Variants in ZDHHC11 observed in about 807,000 individuals in gnomAD.
The protein encoded by ZDHHC11 is palmitoyltransferase ZDHHC11.
A neutral mutation model predicts 51.3 loss-of-function variants in ZDHHC11; 44 were observed. That is an observed-to-expected ratio of 0.86 (90% CI 0.67 to 1.10). The LOEUF is 1.10. Ranked by LOEUF, ZDHHC11 falls within the 50% of genes least tolerant of loss-of-function variation. The probability of loss-of-function intolerance (pLI) is 0.00; values close to 1 mark genes in which losing one functional copy is unlikely to be tolerated. For missense variants in ZDHHC11, 400 were observed against 537.7 expected (o/e 0.74, Z 2.53); for synonymous variants, 163 against 222.0 (o/e 0.73, Z 2.36).
intron 4 of ZDHHC11, chr5:842,271 A>T (rs989275597): frequency 1.6e-5 from 16 of 987,016 alleles, no homozygotes; most frequent in Non-Finnish European, 1.9e-5. Context: ...GACAACATGG[A>T]GGCTGCTGGG....
At chr5:833,611 T>A (rs1579689082) in intron 7 of ZDHHC11, among the ~76,000 whole-genome samples, 162 bp downstream of exon 7, 1 of 150,726 alleles carries the variant, frequency 6.6e-6, no homozygotes, top group East Asian at 1.9e-4. Flanking sequence ...TTTGGTATAA[T>A]TTAACAACAT....
Position 814,798 on chromosome 5 carries a change from G to T in ZDHHC11, c.1147-3C>A. The T allele has an allele frequency of 6.5e-7, 1 of 1,535,824 alleles. No individual in the cohort carries two copies. Among genetic ancestry groups the T allele is most frequent in the East Asian group, 2.4e-5 (1 of 41,782 alleles). On this transcript the variant is annotated splice_region_variant and splice_polypyrimidine_tract_variant and intron_variant, in intron 10 of 12. Coordinates refer to ENST00000283441, the MANE Select transcript of ZDHHC11 (RefSeq NM_024786.3). ...ATACTCGGGGCATCATCTGCTTCCTGTGGGGGGAAGGGATGCAAAATTCAT... is the reference window on the plus strand; with the variant it reads ...ATACTCGGGGCATCATCTGCTTCCTTTGGGGGGAAGGGATGCAAAATTCAT...
At chr5:824,430 CA>C (rs1742007765) in intron 8 of ZDHHC11, among the ~76,000 whole-genome samples, 1 of 151,446 alleles carries the variant, frequency 6.6e-6, no homozygotes, top group Non-Finnish European at 1.5e-5. Flanking sequence ...CACTGCAATC[CA>C]TGTTGGGTGA....
At chr5:808,664 G>C (rs1739633627) in intron 11 of ZDHHC11, among the ~76,000 whole-genome samples, 1 of 148,176 alleles carries the variant, frequency 6.7e-6, no homozygotes, top group Non-Finnish European at 1.5e-5. Context: ...GCCTCCCGAG[G>C]AATGGGATTA....
intron 11 of ZDHHC11, among the ~76,000 whole-genome samples, chr5:812,232 T>C (rs1740182602): frequency 6.7e-6 from 1 of 150,306 alleles, no homozygotes; most frequent in African/African-American, 2.5e-5. Context: ...GACAGGTACA[T>C]TTGACAACTG....
chr5:846,248 G>C (rs1316124092), intron 3 of ZDHHC11, among the ~76,000 whole-genome samples: 1 of 151,162 alleles, frequency 6.6e-6, no homozygotes, highest in Non-Finnish European at 1.5e-5. Context: ...CAGGGAGGCA[G>C]GGCAGGGACC....
At chr5:856,196 ACACAC>A (rs1468365685) in intron 1 of ZDHHC11, among the ~76,000 whole-genome samples, 1 of 151,816 alleles carries the variant, frequency 6.6e-6, no homozygotes, top group African/African-American at 2.4e-5. Flanking sequence ...CACACACACC[ACACAC>A]CACACAACAC....
intron 11 of ZDHHC11, among the ~76,000 whole-genome samples, chr5:812,758 A>G (rs2150313903): frequency 6.6e-6 from 1 of 151,596 alleles, no homozygotes; most frequent in Admixed American, 6.6e-5. Flanking sequence ...TTTGTTTGCA[A>G]AACCTAAACT....
rs143771442 is a variant in ZDHHC11 at position 843,581 on chromosome 5, G to T, written c.628+19C>A. On this transcript the variant is annotated intron_variant, in intron 4 of 12. Coordinates refer to ENST00000283441, the MANE Select transcript of ZDHHC11 (RefSeq NM_024786.3). ...GCTGGAGGCGAGGATGAGGCCCCTTGAGAGCGGCGGCCACGTACCTTCATA... is the reference window on the plus strand; with the variant it reads ...GCTGGAGGCGAGGATGAGGCCCCTTTAGAGCGGCGGCCACGTACCTTCATA... 0.064 allele frequency: 90,896 copies of T among 1,425,666 alleles called. 85 individuals carry two copies. Among genetic ancestry groups the T allele is most frequent in the African/African-American group, 0.34 (19,544 of 57,380 alleles). 88.3% of individuals were successfully genotyped at this position (1,425,666 alleles called of 1,614,324 possible). A position where few individuals can be genotyped will look rare whatever the true frequency, so the allele number is the denominator to read the frequency against.
At chr5:850,327 C>G in intron 1 of ZDHHC11, 54 bp downstream of exon 1, 2 of 1,577,046 alleles carry the variant, frequency 1.3e-6, no homozygotes, top group Non-Finnish European at 1.7e-6. Flanking sequence ...AGGTCCATCG[C>G]AAGTTCCTCC....
chr5:825,788 G>A (rs1228201986), intron 7 of ZDHHC11, among the ~76,000 whole-genome samples: 1 of 152,274 alleles, frequency 6.6e-6, no homozygotes, highest in African/African-American at 2.4e-5. Flanking sequence ...AGGCCAGTCA[G>A]CTCAGGACAT....
chr5:841,958 A>G, intron 4 of ZDHHC11: 1 of 989,714 alleles, frequency 1.0e-6, no homozygotes, highest in Non-Finnish European at 1.2e-6. Flanking sequence ...ACAGGACCGC[A>G]GCTCCATGTG....
At chr5:857,929 C>A (rs377762848) in intron 1 of ZDHHC11, among the ~76,000 whole-genome samples, 23 of 140,088 alleles carry the variant, frequency 1.6e-4, no homozygotes, top group South Asian at 7.2e-4. Flanking sequence ...GGTCCCTGTC[C>A]TGTCTTTATG....
intron 11 of ZDHHC11, among the ~76,000 whole-genome samples, chr5:813,134 C>A (rs1304285500): frequency 6.9e-6 from 1 of 144,346 alleles, no homozygotes; most frequent in African/African-American, 2.7e-5. Context: ...CTCAGGAGTT[C>A]GAGACCAGTG....
chr5:806,989 G>T (rs141374061), intron 11 of ZDHHC11, among the ~76,000 whole-genome samples: 3,663 of 149,926 alleles, frequency 0.024, 147 homozygotes, highest in Non-Finnish European at 0.038. Flanking sequence ...GAATAGCCCC[G>T]GGAGAAATGG....
chr5:839,995 T>G, intron 5 of ZDHHC11: 1 of 554,766 alleles, frequency 1.8e-6, no homozygotes, highest in Non-Finnish European at 3.2e-6. Context: ...TTCAGCAACA[T>G]GACTGACCGC....
rs189117862 is a variant in ZDHHC11, at chr5:817,726, G to A, written c.1146+1799C>T. 2.8e-3 allele frequency among the ~76,000 whole-genome samples: 418 copies of A among 151,456 alleles called. 19 individuals are homozygous for A. Among genetic ancestry groups the A allele is most frequent in the Non-Finnish European group, 4.4e-3 (299 of 67,654 alleles). On this transcript the variant is annotated intron_variant, in intron 10 of 12. Coordinates refer to ENST00000283441, the MANE Select transcript of ZDHHC11 (RefSeq NM_024786.3). The stretch of plus-strand genomic sequence containing the variant: ...GTGTTTGGCATGTGGTTATGCAGCT[G>A]CTGCAGCACACTCATTACACACCCT...
chr5:807,345 CA>C (rs1337066258), intron 11 of ZDHHC11, among the ~76,000 whole-genome samples: 1 of 150,804 alleles, frequency 6.6e-6, no homozygotes, highest in African/African-American at 2.4e-5. Context: ...ATCTAAGGAA[CA>C]AAATTTGAAG....
chr5:801,233 T>G, intron 11 of ZDHHC11, 69 bp from the exon 12 acceptor site: 1 of 1,586,070 alleles, frequency 6.3e-7, no homozygotes, highest in Non-Finnish European at 8.6e-7. Flanking sequence ...AATGCCAAAG[T>G]GCACAAAATG....
Sources: allele counts gnomAD v4.1 joint callset (sites outside exome capture counted in the v4.1 genomes callset), GRCh38; gene constraint gnomAD v4.1.1; transcripts MANE v1.5; gene names NCBI Gene and HGNC (gene_info 2026-07-23, HGNC 2026-07-21).